Variants in SHLD2 observed in about 807,000 individuals in gnomAD.
SHLD2 encodes shieldin complex subunit 2.
In SHLD2, 30 loss-of-function variants were observed where a neutral mutation model predicts 73.2. The observed-to-expected ratio is 0.41, with a 90% CI of 0.31 to 0.56. The LOEUF (loss-of-function observed/expected upper bound fraction) is 0.56. SHLD2 is among the 20% of genes least tolerant of loss of function. The probability of loss-of-function intolerance (pLI) is 0.28; values close to 1 mark genes in which losing one functional copy is unlikely to be tolerated. For synonymous variants in SHLD2, 285 were observed against 370.1 expected, an observed-to-expected ratio of 0.77 and a Z score of 2.64; for missense variants, 745 against 1,055.9, an observed-to-expected ratio of 0.71 and a Z score of 4.08.
At chr10:87,121,384 C>G (rs1333040394) in intron 2 of SHLD2, among the ~76,000 whole-genome samples, 1 of 152,120 alleles carries the variant, frequency 6.6e-6, no homozygotes, top group African/African-American at 2.4e-5. Flanking sequence ...CTCGGCCTCA[C>G]AGTGTTGGGA....
At chr10:87,153,091 C>T (rs1291411537) in intron 3 of SHLD2, among the ~76,000 whole-genome samples, 5 of 152,172 alleles carry the variant, frequency 3.3e-5, no homozygotes, top group Admixed American at 3.3e-4. Context: ...CTATCCTTCT[C>T]AGCTCTGTCC....
chr10:87,166,640 T>C (rs1847222273), intron 4 of SHLD2, among the ~76,000 whole-genome samples: 1 of 152,230 alleles, frequency 6.6e-6, no homozygotes, highest in Admixed American at 6.5e-5. Context: ...GCCAGCACTT[T>C]GGGAGGCCAA....
At chr10:87,163,936 ATTTTC>A (rs375051873) in intron 4 of SHLD2, among the ~76,000 whole-genome samples, 22,165 of 144,524 alleles carry the variant, frequency 0.15, 1,695 homozygotes, top group Middle Eastern at 0.3. Context: ...ATCTGTAAAC[ATTTTC>A]TTTTCTTTTC....
chr10:87,110,582 G>A (rs1177531033), intron 2 of SHLD2, among the ~76,000 whole-genome samples: 1 of 148,836 alleles, frequency 6.7e-6, no homozygotes, highest in Non-Finnish European at 1.5e-5. Context: ...ACTCCAGCCT[G>A]GGTGATGATG....
At chr10:87,145,760 T>C (rs1475685845) in intron 2 of SHLD2, among the ~76,000 whole-genome samples, 19 of 147,488 alleles carry the variant, frequency 1.3e-4, no homozygotes, top group Non-Finnish European at 1.9e-4. Flanking sequence ...TAAAGGATTA[T>C]GGTTGTATTG....
chr10:87,151,027 G>A (rs1478006488), intron 2 of SHLD2, among the ~76,000 whole-genome samples: 4 of 152,044 alleles, frequency 2.6e-5, no homozygotes, highest in Non-Finnish European at 5.9e-5. Context: ...GTTTCACGCT[G>A]TTAGGCAGGA....
intron 2 of SHLD2, among the ~76,000 whole-genome samples, chr10:87,149,183 A>T (rs4933429): frequency 0.68 from 103,146 of 151,422 alleles, 35,897 homozygotes; most frequent in Middle Eastern, 0.89. Context: ...CCACCATGCC[A>T]GGCCCCAACC....
intron 2 of SHLD2, among the ~76,000 whole-genome samples, chr10:87,142,777 TTTC>T (rs1845290033): frequency 6.6e-6 from 1 of 151,034 alleles, no homozygotes; most frequent in East Asian, 1.9e-4. Flanking sequence ...TTTTTTAATT[TTTC>T]TTGATTGTGT....
chr10:87,180,529 T>C (rs1199591634), intron 8 of SHLD2, among the ~76,000 whole-genome samples: 1 of 148,000 alleles, frequency 6.8e-6, no homozygotes, highest in East Asian at 1.9e-4. Flanking sequence ...GGAGATTTTA[T>C]TGTCTTCAAA....
intron 8 of SHLD2, among the ~76,000 whole-genome samples, chr10:87,183,223 A>T (rs997159229): frequency 5.3e-5 from 8 of 152,242 alleles, no homozygotes; most frequent in African/African-American, 1.7e-4. Context: ...ATTGCAAATC[A>T]TTGACAGTTG....
At chr10:87,123,004 C>T (rs1048217551) in intron 2 of SHLD2, among the ~76,000 whole-genome samples, 6 of 152,168 alleles carry the variant, frequency 3.9e-5, no homozygotes, top group African/African-American at 1.2e-4. Context: ...GTCTCAAACT[C>T]CTGAACTTGT....
intron 2 of SHLD2, among the ~76,000 whole-genome samples, chr10:87,112,081 G>T (rs541224989): frequency 2.3e-3 from 349 of 151,406 alleles, no homozygotes; most frequent in African/African-American, 8.1e-3. Flanking sequence ...ACTAAAAATA[G>T]AAAAAAATTA....
intron 4 of SHLD2, among the ~76,000 whole-genome samples, chr10:87,158,849 C>T (rs1846617981): frequency 6.6e-6 from 1 of 152,156 alleles, no homozygotes; most frequent in Admixed American, 6.5e-5. Context: ...GGCCCTCTTA[C>T]TTCCAGTCTT....
chr10:87,106,775 A>G (rs897988608), intron 2 of SHLD2, among the ~76,000 whole-genome samples: 3 of 152,220 alleles, frequency 2.0e-5, no homozygotes, highest in Non-Finnish European at 4.4e-5. Context: ...TGTAACACAT[A>G]GGCAAGTGGA....
chr10:87,176,089 T>C lies in SHLD2; in HGVS notation c.2164T>C (p.Cys722Arg). The C allele has an allele frequency of 6.5e-7, 1 of 1,548,268 alleles. No individual in the cohort carries two copies. Among genetic ancestry groups the C allele is most frequent in the Non-Finnish European group, 8.7e-7 (1 of 1,146,768 alleles). Residue 722 changes from cysteine (C) to arginine (R), a missense_variant, in exon 7 of 10, where the codon TGT becomes CGT. Coordinates refer to ENST00000298786, the MANE Select transcript of SHLD2 (RefSeq NM_001330112.2). Reference protein sequence around the residue: ...SDLATHLEDKCSGVVLIKAQI... With the variant: ...SDLATHLEDKRSGVVLIKAQI... ...CTTAGCAACCCACCTAGAGGATAAG[T>C]GTTCAGGTAAGATCTTTATATACAT...
At chr10:87,147,072 G>GAAAAAAAACAAACAAACAAAAAAAAA (rs1564596468) in intron 2 of SHLD2, among the ~76,000 whole-genome samples, 2 of 95,314 alleles carry the variant, frequency 2.1e-5, no homozygotes, top group Admixed American at 9.6e-5. Context: ...AAAAAAAAAA[G>GAAAAAAAACAAACAAACAAAAAAAAA]AAAAAAAAAA....
intron 2 of SHLD2, among the ~76,000 whole-genome samples, chr10:87,122,372 C>T (rs1481592479): frequency 2.0e-5 from 3 of 152,154 alleles, no homozygotes; most frequent in Admixed American, 1.3e-4. Context: ...AATATTCTGC[C>T]CATTTTAAAA....
chr10:87,161,132 A>G (rs1257860557), intron 4 of SHLD2, among the ~76,000 whole-genome samples: 1 of 152,228 alleles, frequency 6.6e-6, no homozygotes, highest in East Asian at 1.9e-4. Context: ...ATTCAGTGAT[A>G]TAACAGAATG....
At chr10:87,147,071 A>G (rs1242418035) in intron 2 of SHLD2, among the ~76,000 whole-genome samples, 1 of 144,434 alleles carries the variant, frequency 6.9e-6, no homozygotes, top group African/African-American at 2.6e-5. Flanking sequence ...AAAAAAAAAA[A>G]GAAAAAAAAA....
Sources: allele counts gnomAD v4.1 joint callset (sites outside exome capture counted in the v4.1 genomes callset), GRCh38; gene constraint gnomAD v4.1.1; transcripts MANE v1.5; gene names NCBI Gene and HGNC (gene_info 2026-07-23, HGNC 2026-07-21).